CFDP1: variants seen among roughly 807,000 people sequenced by gnomAD.
The protein encoded by CFDP1 is chromatin remodeling protein CFDP1.
A neutral mutation model predicts 40.1 loss-of-function variants in CFDP1; 31 were observed. The observed-to-expected ratio is 0.77, with a 90% CI of 0.58 to 1.04. The LOEUF (loss-of-function observed/expected upper bound fraction) is 1.04. CFDP1 is among the 50% of genes least tolerant of loss of function. The pLI is 0.00. For missense variants in CFDP1, 423 were observed against 343.4 expected (o/e 1.23, Z -1.83); for synonymous variants, 167 against 120.0 (o/e 1.39, Z -2.56).
chr16:75,395,231 C>G (rs374771631), intron 4 of CFDP1, 22 bp from the exon 5 acceptor site: 23 of 1,610,348 alleles, frequency 1.4e-5, no homozygotes, highest in Non-Finnish European at 1.9e-5. Context: ...AAAAAGACAT[C>G]AAGCTTACAA....
intron 6 of CFDP1, among the ~76,000 whole-genome samples, chr16:75,301,508 T>TTTCTCTTC (rs1567638820): frequency 7.1e-4 from 103 of 144,098 alleles, no homozygotes; most frequent in African/African-American, 2.6e-3. Context: ...TAAGTTTCTT[T>TTTCTCTTC]TTTCTCAACA....
At chr16:75,349,684 A>ATATATATATAT (rs1555557207) in intron 5 of CFDP1, among the ~76,000 whole-genome samples, 5 of 8,280 alleles carry the variant, frequency 6.0e-4, no homozygotes, top group East Asian at 9.1e-3. Context: ...AAAAAAAAAA[A>ATATATATATAT]AAAAAAATAT....
intron 4 of CFDP1, among the ~76,000 whole-genome samples, chr16:75,398,566 T>C (rs1030869278): frequency 2.6e-5 from 4 of 152,248 alleles, no homozygotes; most frequent in Non-Finnish European, 1.5e-5. Flanking sequence ...TGTCTGTCTG[T>C]CTGTCCCTGT....
At chr16:75,367,670 G>C (rs998489677) in intron 5 of CFDP1, among the ~76,000 whole-genome samples, 1 of 151,304 alleles carries the variant, frequency 6.6e-6, no homozygotes, top group Non-Finnish European at 1.5e-5. Flanking sequence ...GCAGGAGCCT[G>C]AAATCCCAGC....
chr16:75,329,171 A>G (rs1352661059), intron 5 of CFDP1, among the ~76,000 whole-genome samples: 1 of 151,988 alleles, frequency 6.6e-6, no homozygotes, highest in Non-Finnish European at 1.5e-5. Flanking sequence ...TTTTTAGTGG[A>G]GACAGGGTTT....
intron 1 of CFDP1, among the ~76,000 whole-genome samples, chr16:75,427,258 C>T (rs2079352392): frequency 6.7e-6 from 1 of 150,170 alleles, no homozygotes; most frequent in African/African-American, 2.4e-5. Context: ...AATTTTTTTT[C>T]TTTTTTTTTC....
chr16:75,361,114 A>G (rs1204787378), intron 5 of CFDP1, among the ~76,000 whole-genome samples: 4 of 152,020 alleles, frequency 2.6e-5, no homozygotes, highest in Non-Finnish European at 5.9e-5. Context: ...GGTTCAAGTG[A>G]TTCTCCTGCC....
chr16:75,312,915 T>A (rs2078303271), intron 5 of CFDP1, among the ~76,000 whole-genome samples: 1 of 152,204 alleles, frequency 6.6e-6, no homozygotes, highest in Non-Finnish European at 1.5e-5. Context: ...GGACATTCAT[T>A]CTGAGAATGT....
At position 75,352,046 on chromosome 16, in the gene CFDP1, G is replaced by C. The variant is rs553645351; in HGVS notation, c.650+43044C>G. Among the ~76,000 whole-genome samples, 16 of 131,260 alleles carry C rather than the reference G, an allele frequency of 1.2e-4. No homozygotes were observed. In the East Asian group the frequency reaches 3.4e-3, roughly 28 times the overall value. 86.1% of individuals were successfully genotyped at this position (131,260 alleles called of 152,430 possible). On this transcript the variant is annotated intron_variant, in intron 5 of 6. Coordinates refer to ENST00000283882, the MANE Select transcript of CFDP1 (RefSeq NM_006324.3). ...AAAAAAAAAAAAAGAAAAGGTAAAT[G>C]AAAGAATTTATTCGCTGGGTGCTGT...
intron 1 of CFDP1, among the ~76,000 whole-genome samples, chr16:75,418,330 C>T (rs2079233634): frequency 8.0e-6 from 1 of 124,918 alleles, no homozygotes. Context: ...TTTTGAGACG[C>T]AGTCTCGCTC....
rs1187002198 is a variant in CFDP1 at position 75,382,803 on chromosome 16, T to C, written c.650+12287A>G. The stretch of plus-strand genomic sequence containing the variant: ...TTCTCACCTCTGGCCAAACAAGTCA[T>C]GTCATGCTCTATTTGACTGTGGGGG... On this transcript the variant is annotated intron_variant, in intron 5 of 6. Transcript: ENST00000283882. 3.3e-5 allele frequency among the ~76,000 whole-genome samples: 5 copies of C among 151,836 alleles called. 1 individual carries two copies. The highest frequency in any genetic ancestry group is 7.4e-5 in the Non-Finnish European group (5 of 68,016).
At chr16:75,349,911 T>C (rs575216491) in intron 5 of CFDP1, among the ~76,000 whole-genome samples, 1 of 151,590 alleles carries the variant, frequency 6.6e-6, no homozygotes, top group Non-Finnish European at 1.5e-5. Context: ...GAAGCACCAA[T>C]ACAAAGTAGA....
intron 5 of CFDP1, among the ~76,000 whole-genome samples, chr16:75,356,807 T>C (rs2078646933): frequency 6.6e-6 from 1 of 152,172 alleles, no homozygotes; most frequent in Non-Finnish European, 1.5e-5. Flanking sequence ...GCCACCTTCA[T>C]CAATTATCTT....
chr16:75,313,799 T>A (rs1486457625), intron 5 of CFDP1, among the ~76,000 whole-genome samples: 3 of 152,216 alleles, frequency 2.0e-5, no homozygotes, highest in Non-Finnish European at 4.4e-5. Flanking sequence ...CCATAGAGAA[T>A]CTCAAGTTGA....
At chr16:75,313,333 G>GT (rs1031609266) in intron 5 of CFDP1, among the ~76,000 whole-genome samples, 20 of 152,076 alleles carry the variant, frequency 1.3e-4, no homozygotes, top group East Asian at 3.9e-4. Flanking sequence ...GCATGTGAGA[G>GT]TTTTTTTTGT....
intron 6 of CFDP1, among the ~76,000 whole-genome samples, chr16:75,294,973 C>T (rs955719084): frequency 2.6e-5 from 4 of 152,102 alleles, no homozygotes; most frequent in African/African-American, 4.8e-5. Context: ...AAGCGTGCTG[C>T]GATTTGCCTG....
intron 5 of CFDP1, among the ~76,000 whole-genome samples, chr16:75,374,471 A>G (rs1158516836): frequency 1.3e-5 from 2 of 152,150 alleles, no homozygotes; most frequent in Non-Finnish European, 2.9e-5. Context: ...ACACATTCAT[A>G]TACATAGATT....
intron 5 of CFDP1, among the ~76,000 whole-genome samples, chr16:75,322,566 A>T (rs1232428180): frequency 6.6e-6 from 1 of 152,348 alleles, no homozygotes; most frequent in South Asian, 2.1e-4. Context: ...GTAAGCATCT[A>T]TGTCTAAACA....
chr16:75,429,826 GAA>G (rs936958828), intron 1 of CFDP1, among the ~76,000 whole-genome samples: 13 of 152,240 alleles, frequency 8.5e-5, no homozygotes, highest in African/African-American at 2.2e-4. Flanking sequence ...CAGTGTCGAC[GAA>G]AAGAGTCAAA....
Sources: allele counts gnomAD v4.1 joint callset (sites outside exome capture counted in the v4.1 genomes callset), GRCh38; gene constraint gnomAD v4.1.1; transcripts MANE v1.5; gene names NCBI Gene and HGNC (gene_info 2026-07-23, HGNC 2026-07-21).